The following SPIDR variants were observed in gnomAD, a reference collection of about 807,000 sequenced individuals.
The protein encoded by SPIDR is DNA repair-scaffolding protein.
A neutral mutation model predicts 104.6 loss-of-function variants in SPIDR; 93 were observed. The ratio of observed to expected loss-of-function variants is 0.89; its 90% confidence interval spans 0.75 to 1.06. The LOEUF is 1.06. Ranked by LOEUF, SPIDR falls within the 50% of genes least tolerant of loss-of-function variation. The probability of loss-of-function intolerance (pLI) is 0.00; values close to 1 mark genes in which losing one functional copy is unlikely to be tolerated. For synonymous variants in SPIDR, 431 were observed against 416.9 expected (o/e 1.03, Z -0.41); for missense variants, 1,154 against 1,111.2 (o/e 1.04, Z -0.55).
chr8:47,353,508 C>T (rs942547386), intron 5 of SPIDR, among the ~76,000 whole-genome samples: 1 of 152,104 alleles, frequency 6.6e-6, no homozygotes, highest in Non-Finnish European at 1.5e-5. Flanking sequence ...AGTTGTAACA[C>T]AGGAGGAGGC....
intron 10 of SPIDR, among the ~76,000 whole-genome samples, chr8:47,604,320 C>CCAGCAAGGCCA (rs2062677779): frequency 6.6e-6 from 1 of 152,190 alleles, no homozygotes; most frequent in Non-Finnish European, 1.5e-5. Context: ...CATGACCATG[C>CCAGCAAGGCCA]TGCACAGGCC....
At chr8:47,473,796 A>G (rs914880481) in intron 8 of SPIDR, among the ~76,000 whole-genome samples, 2 of 152,188 alleles carry the variant, frequency 1.3e-5, no homozygotes. Context: ...TTAGATCCCA[A>G]CTGATTTGTG....
chr8:47,404,031 T>G (rs2062331562), intron 6 of SPIDR, among the ~76,000 whole-genome samples: 1 of 152,002 alleles, frequency 6.6e-6, no homozygotes, highest in Admixed American at 6.6e-5. Flanking sequence ...AAACAGAGCC[T>G]TTGAAAATAA....
intron 10 of SPIDR, among the ~76,000 whole-genome samples, chr8:47,645,311 A>G (rs1350788102): frequency 1.3e-5 from 2 of 152,168 alleles, no homozygotes; most frequent in African/African-American, 4.8e-5. Context: ...AGTAACAGCT[A>G]AAAATCAGAT....
intron 8 of SPIDR, among the ~76,000 whole-genome samples, chr8:47,554,004 G>T (rs1473715425): frequency 2.0e-5 from 3 of 152,184 alleles, no homozygotes; most frequent in African/African-American, 2.4e-5. Context: ...GTTGGAGTTT[G>T]CTGGAGGTCC....
chr8:47,311,074 A>G lies in SPIDR; in HGVS notation c.525+17044A>G, dbSNP rs112136732. 1.5e-3 allele frequency among the ~76,000 whole-genome samples: 231 copies of G among 152,316 alleles called. 1 individual carries two copies. The highest frequency in any genetic ancestry group is 2.8e-3 in the Non-Finnish European group (192 of 68,020). ...CTTCTTAAGGTTATATAAAGAAAAT[A>G]TGTACACCATGAATAAACAGATAAG... is the stretch of plus-strand genomic sequence containing the variant. On this transcript the variant is annotated intron_variant, in intron 5 of 19. Coordinates refer to ENST00000297423, the MANE Select transcript of SPIDR (RefSeq NM_001080394.4).
chr8:47,636,344 A>C (rs1187885483), intron 10 of SPIDR, among the ~76,000 whole-genome samples: 1 of 152,066 alleles, frequency 6.6e-6, no homozygotes, highest in Non-Finnish European at 1.5e-5. Context: ...TGACCTCCCT[A>C]TTCCCTGAAA....
At chr8:47,433,009 G>A (rs1377959490) in intron 7 of SPIDR, among the ~76,000 whole-genome samples, 3 of 152,146 alleles carry the variant, frequency 2.0e-5, no homozygotes, top group Non-Finnish European at 4.4e-5. Context: ...CTTGATACCA[G>A]TATTCTCATA....
chr8:47,547,244 C>T (rs1006793172), intron 8 of SPIDR: 1 of 619,888 alleles, frequency 1.6e-6, no homozygotes, highest in Non-Finnish European at 3.1e-6. Context: ...TTGGGCTCCT[C>T]AGGTGTAACA....
In SPIDR at chr8:47,735,492, G is replaced by GGGT. The variant is rs749539591; in HGVS notation, c.*59_*61dup. On this transcript the variant is annotated 3_prime_UTR_variant, in exon 20 of 20. Transcript: ENST00000297423. Reference sequence around the variant, plus strand: ...TGTGAACTTTGCAATGTGGCTGCAAGGGTGGTGGTGGTGGTGGTGATTTGG... The same window carrying GGGT: ...TGTGAACTTTGCAATGTGGCTGCAAGGGTGGTGGTGGTGGTGGTGGTGATTTGG... 970 of 1,613,726 alleles carry GGGT rather than the reference G, an allele frequency of 6.0e-4. No homozygotes were observed. Among genetic ancestry groups the GGGT allele is most frequent in the Non-Finnish European group, 7.7e-4 (906 of 1,179,808 alleles).
intron 8 of SPIDR, among the ~76,000 whole-genome samples, chr8:47,582,716 C>G (rs2059831200): frequency 6.6e-6 from 1 of 151,866 alleles, no homozygotes; most frequent in Non-Finnish European, 1.5e-5. Context: ...AAAAAAGCAG[C>G]CAGGTGTGGT....
At chr8:47,298,930 A>G (rs1409768789) in intron 5 of SPIDR, among the ~76,000 whole-genome samples, 1 of 152,144 alleles carries the variant, frequency 6.6e-6, no homozygotes, top group African/African-American at 2.4e-5. Flanking sequence ...TTGACTTGGC[A>G]ATGCAGGCTC....
intron 8 of SPIDR, among the ~76,000 whole-genome samples, chr8:47,470,863 C>T (rs1380718178): frequency 2.6e-5 from 4 of 151,720 alleles, no homozygotes; most frequent in African/African-American, 4.8e-5. Context: ...GCCTCCCAAG[C>T]AGCTGGGACT....
intron 19 of SPIDR, among the ~76,000 whole-genome samples, chr8:47,730,480 C>T (rs2085023986): frequency 1.3e-5 from 2 of 152,228 alleles, no homozygotes; most frequent in South Asian, 2.1e-4. Context: ...ACTTGGGCCA[C>T]GCTGGAAGGG....
chr8:47,545,111 CTTTCTTTCTT>C (rs1193254085), intron 8 of SPIDR, among the ~76,000 whole-genome samples: 4 of 45,352 alleles, frequency 8.8e-5, no homozygotes, highest in Admixed American at 3.2e-4. Context: ...TTCTTTCTTT[CTTTCTTTCTT>C]TTTTTTTTTT....
At chr8:47,374,025 C>G (rs1043639821) in intron 5 of SPIDR, among the ~76,000 whole-genome samples, 2 of 152,148 alleles carry the variant, frequency 1.3e-5, no homozygotes, top group Middle Eastern at 3.4e-3. Context: ...GTTTTAGGTT[C>G]GTTTGTTTTA....
chr8:47,562,608 C>T (rs941575217), intron 8 of SPIDR, among the ~76,000 whole-genome samples: 13 of 152,224 alleles, frequency 8.5e-5, no homozygotes, highest in African/African-American at 3.1e-4. Flanking sequence ...CCTTTGCTGA[C>T]GCTGTTGCTG....
intron 1 of SPIDR, among the ~76,000 whole-genome samples, chr8:47,273,536 A>G (rs1262951605): frequency 2.0e-5 from 3 of 151,672 alleles, no homozygotes; most frequent in Admixed American, 6.6e-5. Flanking sequence ...GTACCTCTGT[A>G]TGTTCAGCAA....
rs774348113 is a variant in SPIDR at position 47,632,821 on chromosome 8, G to A, written c.1544+33625G>A. Among the ~76,000 whole-genome samples, 28 of 152,316 alleles carry A rather than the reference G, an allele frequency of 1.8e-4. 1 individual carries two copies. Among genetic ancestry groups the A allele is most frequent in the South Asian group, 1.4e-3 (7 of 4,830 alleles). On this transcript the variant is annotated intron_variant, in intron 10 of 19. Transcript: ENST00000297423. ...GCAGTAGCTGGCCTTTCAGGGGCAC[G>A]CTGCACAGCAGTTCTGGAGAGGACA...
Sources: gnomAD v4.1 joint callset for allele counts (sites outside exome capture counted in the v4.1 genomes callset) on GRCh38, gnomAD v4.1.1 for gene constraint, MANE v1.5 for transcripts, NCBI Gene and HGNC (gene_info 2026-07-23, HGNC 2026-07-21) for gene names.